The following BAZ1B variants were observed in gnomAD, a reference collection of about 807,000 sequenced individuals.
BAZ1B encodes bromodomain adjacent to zinc finger domain 1B.
BAZ1B carries 22 observed loss-of-function variants against 153.8 expected under a neutral mutation model. The ratio of observed to expected loss-of-function variants is 0.14; its 90% CI spans 0.10 to 0.20. BAZ1B has a LOEUF of 0.20. Ranked by LOEUF, BAZ1B falls within the 10% of genes least tolerant of loss-of-function variation. BAZ1B has a pLI of 1.00. For synonymous variants in BAZ1B, 676 were observed against 633.4 expected, an observed-to-expected ratio of 1.07 and a Z score of -1.01; for missense variants, 1,325 against 1,799.3, an observed-to-expected ratio of 0.74 and a Z score of 4.77.
chr7:73,453,889 G>A (rs547007089), intron 13 of BAZ1B, among the ~76,000 whole-genome samples: 1 of 152,236 alleles, frequency 6.6e-6, no homozygotes, highest in East Asian at 1.9e-4. Context: ...TGAAGTAGAA[G>A]GACACCTGAG....
rs1789031428 is a variant in BAZ1B, at chr7:73,477,235, T to C, written c.2226A>G (p.Ser742=). The change falls in exon 7 of 20, where the codon TCA becomes TCG. Residue 742 remains serine, a synonymous_variant. Coordinates refer to ENST00000339594, the MANE Select transcript of BAZ1B (RefSeq NM_032408.4). This position sits in a 1 kb window ranked among gnomAD's most constrained non-coding sequence, Gnocchi z 5.6. ...CTGTCAAGATCTGTAGCTTCTCCTC[T>C]GACGTCAGCTCAAAAAATTCAGAGG... is the stretch of plus-strand genomic sequence containing the variant. ...LETSEFFELT[S]EEKLQILTAL... is the part of the protein sequence containing the mutation. The C allele has an allele frequency of 2.5e-6, 4 of 1,614,144 alleles. No homozygotes were observed. Among genetic ancestry groups the C allele is most frequent in the Non-Finnish European group, 2.5e-6 (3 of 1,180,058 alleles).
chr7:73,475,481 T>C (rs538830315), intron 7 of BAZ1B, among the ~76,000 whole-genome samples: 2 of 152,338 alleles, frequency 1.3e-5, no homozygotes, highest in South Asian at 4.1e-4. Context: ...AAAGGCTACA[T>C]ATTATATGAT....
intron 6 of BAZ1B, among the ~76,000 whole-genome samples, chr7:73,486,951 A>G (rs1554574561): frequency 6.6e-6 from 1 of 152,260 alleles, no homozygotes; most frequent in East Asian, 1.9e-4. Context: ...TACAGAAAAC[A>G]ATCAGTGACA....
At chr7:73,507,012 G>A (rs1408359143) in intron 3 of BAZ1B, among the ~76,000 whole-genome samples, 1 of 148,142 alleles carries the variant, frequency 6.8e-6, no homozygotes, top group Non-Finnish European at 1.5e-5. Context: ...CCGAGTAGCT[G>A]GGACTACAGG....
intron 3 of BAZ1B, among the ~76,000 whole-genome samples, chr7:73,500,926 G>A (rs1400714365): frequency 1.4e-5 from 2 of 145,332 alleles, no homozygotes; most frequent in African/African-American, 5.1e-5. Flanking sequence ...AACCATTTTT[G>A]CAAAGCAACC....
chr7:73,504,346 C>T (rs1790247895), intron 3 of BAZ1B, among the ~76,000 whole-genome samples: 1 of 152,146 alleles, frequency 6.6e-6, no homozygotes, highest in Non-Finnish European at 1.5e-5. Flanking sequence ...TGGCAAGACC[C>T]TGTTTCTCTA....
chr7:73,515,109 G>A (rs952652168), intron 1 of BAZ1B, among the ~76,000 whole-genome samples: 35 of 151,984 alleles, frequency 2.3e-4, no homozygotes, highest in Non-Finnish European at 2.9e-5. Flanking sequence ...ACACAATCAC[G>A]ACGAACTCAT....
At chr7:73,487,621 T>C (rs187278994) in intron 6 of BAZ1B, among the ~76,000 whole-genome samples, 15 of 152,226 alleles carry the variant, frequency 9.9e-5, no homozygotes, top group South Asian at 2.1e-4. Flanking sequence ...CTAAAACCCA[T>C]TTAGAGATGG....
chr7:73,449,765 C>T, intron 14 of BAZ1B, 76 bp from the exon 15 acceptor site: 3 of 1,493,348 alleles, frequency 2.0e-6, no homozygotes, highest in Non-Finnish European at 2.7e-6. Flanking sequence ...GAGGCAATCA[C>T]CCTACAATTC....
At chr7:73,521,169 T>C (rs956472682) in intron 1 of BAZ1B, among the ~76,000 whole-genome samples, 1 of 152,178 alleles carries the variant, frequency 6.6e-6, no homozygotes, top group Non-Finnish European at 1.5e-5. Flanking sequence ...AACCTGTGTC[T>C]GCCCAGGGAA....
intron 7 of BAZ1B, among the ~76,000 whole-genome samples, chr7:73,475,556 T>C (rs1202915050): frequency 6.6e-6 from 1 of 152,180 alleles, no homozygotes; most frequent in Non-Finnish European, 1.5e-5. Context: ...TGGTGGTTGC[T>C]GGGGGATGTG....
intron 4 of BAZ1B, among the ~76,000 whole-genome samples, chr7:73,494,610 G>A (rs1055568761): frequency 2.0e-5 from 3 of 151,698 alleles, no homozygotes; most frequent in African/African-American, 4.8e-5. Flanking sequence ...TTAGAAAGGT[G>A]TTGTGATGCA....
In BAZ1B at chr7:73,466,384, C is replaced by G. The variant is rs1351239494; in HGVS notation, c.2884G>C (p.Gly962Arg). ...YCPRSKKANL[G>R]KNASMNTQHG... ...TGTGTGTTCATGCTTGCATTTTTAC[C>G]TAAGTTTGCTTTCTTACCTAAGAAA... The change falls in exon 10 of 20, where the codon GGT becomes CGT. Residue 962 changes from glycine (G) to arginine (R), a missense_variant. By Grantham distance (125) the Gly-to-Arg change is moderately radical (BLOSUM62 -2). Transcript: ENST00000339594. 6.2e-7 allele frequency: 1 copy of G among 1,613,388 alleles called. No individual in the cohort carries two copies. Among genetic ancestry groups the G allele is most frequent in the Non-Finnish European group, 8.5e-7 (1 of 1,179,648 alleles).
At chr7:73,449,834 A>C in intron 14 of BAZ1B, 145 bp from the exon 15 acceptor site, 2 of 835,536 alleles carry the variant, frequency 2.4e-6, no homozygotes, top group East Asian at 6.1e-5. Context: ...TTGTAAATGC[A>C]GGCATTTTCT....
intron 1 of BAZ1B, among the ~76,000 whole-genome samples, chr7:73,513,253 G>A (rs886421423): frequency 3.9e-5 from 6 of 152,066 alleles, no homozygotes; most frequent in Non-Finnish European, 8.8e-5. Context: ...ACGCCCAGCC[G>A]CATGTTTAAT....
In BAZ1B at chr7:73,504,899, A is replaced by G. The variant is rs78087598; in HGVS notation, c.369+3428T>C. On this transcript the variant is annotated intron_variant, in intron 3 of 19. Coordinates refer to ENST00000339594, the MANE Select transcript of BAZ1B (RefSeq NM_032408.4). ...CATGACAAATAAAAAAGAACTAGCT[A>G]GGAGATAGAAAGGAGTCAGAGTAAA... Among the ~76,000 whole-genome samples, 398 of 152,296 alleles carry G rather than the reference A, an allele frequency of 2.6e-3. 2 individuals carry two copies. Among genetic ancestry groups the G allele is most frequent in the Non-Finnish European group, 2.6e-3 (177 of 68,016 alleles).
At chr7:73,511,319 A>G (rs960899196) in intron 1 of BAZ1B, among the ~76,000 whole-genome samples, 12 of 152,006 alleles carry the variant, frequency 7.9e-5, no homozygotes, top group South Asian at 2.1e-4. Context: ...GGCCCAAAGC[A>G]AGATGACTAA....
chr7:73,519,340 A>G (rs189719059), intron 1 of BAZ1B, among the ~76,000 whole-genome samples: 166 of 152,308 alleles, frequency 1.1e-3, no homozygotes, highest in Admixed American at 2.1e-3. Context: ...ACCTAACCAC[A>G]TATTTGTTCT....
chr7:73,446,921 C>T (rs1226109047), intron 16 of BAZ1B, among the ~76,000 whole-genome samples: 1 of 152,244 alleles, frequency 6.6e-6, no homozygotes, highest in Non-Finnish European at 1.5e-5. Flanking sequence ...CAGGAGATGG[C>T]AATGGGCCAA....
Sources: allele counts gnomAD v4.1 joint callset (sites outside exome capture counted in the v4.1 genomes callset), GRCh38; gene constraint gnomAD v4.1.1; non-coding constraint Gnocchi (gnomAD v3.1); transcripts MANE v1.5; gene names NCBI Gene and HGNC (gene_info 2026-07-23, HGNC 2026-07-21).